The following GYPE variants were observed in gnomAD, a reference collection of about 807,000 sequenced individuals.
GYPE encodes the protein glycophorin-E.
A neutral mutation model predicts 11.6 loss-of-function variants in GYPE; 8 were observed. The observed-to-expected ratio is 0.69, with a 90% CI of 0.41 to 1.25. GYPE has a LOEUF of 1.25. Among genes scored for constraint, GYPE ranks in the 50% most tolerant of loss-of-function variants. The pLI is 0.01. For missense variants in GYPE, 90 were observed against 92.8 expected (o/e 0.97, Z 0.12); for synonymous variants, 28 against 29.6 (o/e 0.94, Z 0.18).
intron 1 of GYPE, among the ~76,000 whole-genome samples, chr4:143,885,097 G>T (rs112961209): frequency 6.6e-6 from 1 of 151,766 alleles, no homozygotes; most frequent in East Asian, 1.9e-4. Context: ...GCTCACAGAA[G>T]GTCCTTATCA....
At chr4:143,879,088 T>A (rs1743921416) in intron 2 of GYPE, among the ~76,000 whole-genome samples, 1 of 152,194 alleles carries the variant, frequency 6.6e-6, no homozygotes, top group Admixed American at 6.5e-5. Flanking sequence ...CATGCGGCCA[T>A]CAATTTTCCA....
At chr4:143,883,399 A>G (rs564480101) in intron 1 of GYPE, among the ~76,000 whole-genome samples, 3 of 151,736 alleles carry the variant, frequency 2.0e-5, no homozygotes, top group African/African-American at 4.8e-5. Context: ...AGTTATTTCT[A>G]TATAGCAGTG....
intron 1 of GYPE, among the ~76,000 whole-genome samples, chr4:143,892,998 A>G (rs1170046801): frequency 3.0e-5 from 4 of 134,308 alleles, no homozygotes; most frequent in African/African-American, 5.5e-5. Context: ...GTGCTCCTGT[A>G]TTGGGTGCAT....
intron 1 of GYPE, among the ~76,000 whole-genome samples, chr4:143,889,352 G>A (rs1265880229): frequency 1.3e-5 from 2 of 152,026 alleles, no homozygotes; most frequent in African/African-American, 4.8e-5. Flanking sequence ...TGGACAGATG[G>A]AAATCAAGAT....
At chr4:143,873,556 A>G (rs1743688759) in intron 3 of GYPE, 1 of 437,092 alleles carries the variant, frequency 2.3e-6, no homozygotes, top group African/African-American at 2.0e-5. Flanking sequence ...CATATTCTCT[A>G]ATATATGATG....
intron 1 of GYPE, among the ~76,000 whole-genome samples, chr4:143,895,045 T>A (rs1347116432): frequency 1.3e-5 from 2 of 152,110 alleles, no homozygotes; most frequent in Non-Finnish European, 2.9e-5. Flanking sequence ...CCACAGCCAA[T>A]ATCATACTGA....
chr4:143,897,031 T>C (rs1174539978), intron 1 of GYPE, among the ~76,000 whole-genome samples: 2 of 151,922 alleles, frequency 1.3e-5, no homozygotes, highest in African/African-American at 2.4e-5. Context: ...GGGGGAGGGA[T>C]AGCATTAAGA....
intron 3 of GYPE, 139 bp downstream of exon 3, chr4:143,876,607 C>G: frequency 1.7e-6 from 1 of 599,728 alleles, no homozygotes; most frequent in Non-Finnish European, 3.1e-6. Context: ...AACACAGTGA[C>G]TTCTATGTGT....
intron 2 of GYPE, among the ~76,000 whole-genome samples, chr4:143,879,860 A>C (rs1743955422): frequency 6.6e-6 from 1 of 152,034 alleles, no homozygotes; most frequent in South Asian, 2.1e-4. Flanking sequence ...CCACCAGATT[A>C]CTCTTATCTC....
chr4:143,900,764 T>C (rs987282894), intron 1 of GYPE, among the ~76,000 whole-genome samples: 22 of 152,146 alleles, frequency 1.4e-4, no homozygotes, highest in Non-Finnish European at 8.8e-5. Flanking sequence ...TCCATTTATA[T>C]GAAATATCTA....
chr4:143,898,427 A>C (rs1560951191), intron 1 of GYPE, among the ~76,000 whole-genome samples: 2 of 152,180 alleles, frequency 1.3e-5, no homozygotes, highest in Non-Finnish European at 2.9e-5. Flanking sequence ...AACCATATTA[A>C]TCTTAGGCAA....
At chr4:143,875,335 T>C (rs1200885300) in intron 3 of GYPE, 4 of 797,094 alleles carry the variant, frequency 5.0e-6, no homozygotes, top group Non-Finnish European at 6.0e-6. Context: ...TTTGTTTTAT[T>C]TTTATTTAGA....
At chr4:143,892,414 T>C (rs1203639846) in intron 1 of GYPE, among the ~76,000 whole-genome samples, 7 of 151,132 alleles carry the variant, frequency 4.6e-5, no homozygotes, top group Admixed American at 4.6e-4. Flanking sequence ...GGTGTCAATT[T>C]TGGATCTTTC....
At chr4:143,895,267 G>A (rs1317423415) in intron 1 of GYPE, among the ~76,000 whole-genome samples, 1 of 152,068 alleles carries the variant, frequency 6.6e-6, no homozygotes, top group Non-Finnish European at 1.5e-5. Context: ...CCATTGTCTT[G>A]GCCCAAAATC....
chr4:143,901,422 GA>G (rs33971060), intron 1 of GYPE, among the ~76,000 whole-genome samples: 2,568 of 151,790 alleles, frequency 0.017, 95 homozygotes, highest in African/African-American at 0.059. Context: ...TTTAAAATGA[GA>G]AAAAAAAAAT....
intron 1 of GYPE, among the ~76,000 whole-genome samples, chr4:143,904,444 T>C (rs1355235780): frequency 6.6e-6 from 1 of 152,200 alleles, no homozygotes; most frequent in Non-Finnish European, 1.5e-5. Flanking sequence ...TTTGCCTTAA[T>C]GTTCCCCAGC....
At chr4:143,877,257 A>T (rs1260687617) in intron 2 of GYPE, among the ~76,000 whole-genome samples, 1 of 152,200 alleles carries the variant, frequency 6.6e-6, no homozygotes, top group African/African-American at 2.4e-5. Flanking sequence ...CATATAAAAG[A>T]GCATTGAACA....
chr4:143,903,220 T>A lies in GYPE; in HGVS notation c.37+2251A>T, dbSNP rs188582645. Among the ~76,000 whole-genome samples the A allele has an allele frequency of 2.9e-3, 441 of 152,036 alleles. 2 individuals are homozygous for A. The highest frequency in any genetic ancestry group is 9.9e-3 in the African/African-American group (411 of 41,346). On this transcript the variant is annotated intron_variant, in intron 1 of 3. Transcript: ENST00000358615. ...TTTGACTGTTTTTATCTTATTTTAA[T>A]AAGATAGTTGTTGTTCCATTTATTA...
At chr4:143,887,600 A>AC (rs1553987383) in intron 1 of GYPE, among the ~76,000 whole-genome samples, 1 of 142,282 alleles carries the variant, frequency 7.0e-6, no homozygotes, top group Non-Finnish European at 1.5e-5. Context: ...GATGCAGAGG[A>AC]GGAGGGATAA....
Sources: gnomAD v4.1 joint callset for allele counts (sites outside exome capture counted in the v4.1 genomes callset) on GRCh38, gnomAD v4.1.1 for gene constraint, MANE v1.5 for transcripts, NCBI Gene and HGNC (gene_info 2026-07-23, HGNC 2026-07-21) for gene names.